The following ANKS1B variants were observed in gnomAD, a reference collection of about 807,000 sequenced individuals.
ANKS1B encodes the protein ankyrin repeat and sterile alpha motif domain containing 1B, also known as ankyrin repeat and sterile alpha motif domain-containing protein 1B.
Under a neutral mutation model 148.3 loss-of-function variants are expected in ANKS1B, and 36 were observed. That is an observed-to-expected ratio of 0.24 (90% CI 0.19 to 0.32). The LOEUF is 0.32. Among genes scored for constraint, ANKS1B ranks in the 10% least tolerant of loss-of-function variants. The probability of loss-of-function intolerance (pLI) is 1.00; values close to 1 mark genes in which losing one functional copy is unlikely to be tolerated. For missense variants in ANKS1B, 1,157 were observed against 1,542.6 expected (o/e 0.75, Z 4.19); for synonymous variants, 542 against 560.8 (o/e 0.97, Z 0.47).
At chr12:99,918,119 CAAAAGCAGTCTCTGGT>C (rs1039133497) in intron 1 of ANKS1B, among the ~76,000 whole-genome samples, 1 of 152,218 alleles carries the variant, frequency 6.6e-6, no homozygotes, top group African/African-American at 2.4e-5. Flanking sequence ...TTGACTTCCA[CAAAAGCAGTCTCTGGT>C]GCCAAAAAGG....
chr12:99,046,552 C>G (rs1450443869), intron 17 of ANKS1B, among the ~76,000 whole-genome samples: 3 of 151,810 alleles, frequency 2.0e-5, no homozygotes, highest in Non-Finnish European at 2.9e-5. Context: ...GTAATCCCAG[C>G]ACTTTGGGAG....
chr12:99,673,119 T>C (rs991348595), intron 8 of ANKS1B, among the ~76,000 whole-genome samples: 4 of 151,816 alleles, frequency 2.6e-5, no homozygotes, highest in Non-Finnish European at 5.9e-5. Context: ...TAATCTTAGG[T>C]GAAAAAGCCT....
chr12:98,850,609 T>A (rs1265652668), intron 17 of ANKS1B, among the ~76,000 whole-genome samples: 3 of 151,764 alleles, frequency 2.0e-5, no homozygotes, highest in Admixed American at 2.0e-4. Flanking sequence ...CTGGGACTAC[T>A]GGCACACGCC....
At position 98,798,086 on chromosome 12, in the gene ANKS1B, A is replaced by C. The variant is rs1039567117; in HGVS notation, c.3342+848T>G. ...CTTTGGCTAAAATAGACTCCTAGGAATCAAGCAGCCACTAATCACAGATAT... is the reference window on the plus strand; with the variant it reads ...CTTTGGCTAAAATAGACTCCTAGGACTCAAGCAGCCACTAATCACAGATAT... On this transcript the variant is annotated intron_variant, in intron 22 of 26. Transcript: ENST00000683438. Among the ~76,000 whole-genome samples, 5 of 152,064 alleles carry C rather than the reference A, an allele frequency of 3.3e-5. 1 individual carries two copies. Among genetic ancestry groups the C allele is most frequent in the Admixed American group, 6.6e-5 (1 of 15,266 alleles).
chr12:99,077,846 T>A (rs923090897), intron 16 of ANKS1B, among the ~76,000 whole-genome samples: 5 of 152,212 alleles, frequency 3.3e-5, no homozygotes, highest in African/African-American at 1.2e-4. Context: ...GTCACATTCC[T>A]AATACTCCTT....
chr12:98,900,777 A>C (rs11109659), intron 17 of ANKS1B, among the ~76,000 whole-genome samples: 15,238 of 152,240 alleles, frequency 0.1, 1,226 homozygotes, highest in East Asian at 0.36. Flanking sequence ...ACTTTTACTC[A>C]TTATGCAAAG....
intron 1 of ANKS1B, among the ~76,000 whole-genome samples, chr12:99,896,384 A>C (rs1342582989): frequency 1.3e-5 from 2 of 150,750 alleles, no homozygotes; most frequent in Non-Finnish European, 3.0e-5. Flanking sequence ...TTCACTTAGT[A>C]TCATGTCCTC....
chr12:99,296,606 T>G (rs1476628749), intron 12 of ANKS1B, among the ~76,000 whole-genome samples: 2 of 152,208 alleles, frequency 1.3e-5, no homozygotes, highest in Admixed American at 6.5e-5. Flanking sequence ...AGCATTGTTT[T>G]GTTGACTTAA....
At chr12:99,801,346 A>G (rs182340318) in intron 4 of ANKS1B, among the ~76,000 whole-genome samples, 72 of 152,328 alleles carry the variant, frequency 4.7e-4, no homozygotes, top group Middle Eastern at 3.4e-3. Flanking sequence ...CTAAATGAAA[A>G]CCAAAAGACA....
At chr12:99,714,267 A>C (rs1398070711) in intron 8 of ANKS1B, among the ~76,000 whole-genome samples, 1 of 151,848 alleles carries the variant, frequency 6.6e-6, no homozygotes, top group Non-Finnish European at 1.5e-5. Flanking sequence ...TCTCATAAGA[A>C]CCCTTGTGAT....
intron 1 of ANKS1B, among the ~76,000 whole-genome samples, chr12:99,898,570 C>T (rs189639099): frequency 2.4e-4 from 36 of 152,304 alleles, no homozygotes; most frequent in Admixed American, 2.0e-3. Context: ...AAGCCAAGCT[C>T]AGCCCTAGGC....
intron 7 of ANKS1B, among the ~76,000 whole-genome samples, 197 bp from the exon 8 acceptor site, chr12:99,773,285 T>C (rs2063359685): frequency 6.6e-6 from 1 of 152,198 alleles, no homozygotes; most frequent in African/African-American, 2.4e-5. Flanking sequence ...ATTATAATTT[T>C]GCCTATTTTT....
intron 15 of ANKS1B, among the ~76,000 whole-genome samples, chr12:99,116,613 C>T (rs111550237): frequency 0.025 from 3,772 of 152,144 alleles, 78 homozygotes; most frequent in Non-Finnish European, 0.035. Context: ...TGCTTCTTCA[C>T]AGTAGATTTA....
chr12:99,975,834 C>A (rs957984754), intron 1 of ANKS1B, among the ~76,000 whole-genome samples: 13 of 152,166 alleles, frequency 8.5e-5, no homozygotes, highest in Non-Finnish European at 4.4e-5. Flanking sequence ...TTCGACCCAG[C>A]AATCCCATTG....
chr12:99,127,465 A>C (rs1041343256), intron 15 of ANKS1B, among the ~76,000 whole-genome samples: 1 of 152,220 alleles, frequency 6.6e-6, no homozygotes, highest in African/African-American at 2.4e-5. Context: ...CCAGTGGGAA[A>C]AAAAACTTTA....
At chr12:99,746,855 A>C (rs2060643383) in intron 8 of ANKS1B, among the ~76,000 whole-genome samples, 1 of 152,116 alleles carries the variant, frequency 6.6e-6, no homozygotes, top group African/African-American at 2.4e-5. Context: ...CTGCAAGAGT[A>C]CTATACATAA....
intron 1 of ANKS1B, among the ~76,000 whole-genome samples, chr12:99,846,866 G>A (rs773240410): frequency 1.8e-4 from 28 of 152,144 alleles, no homozygotes; most frequent in East Asian, 1.9e-4. Context: ...CACATTTTGC[G>A]GAATGCAGTC....
At chr12:99,931,213 G>T (rs2094606273) in intron 1 of ANKS1B, among the ~76,000 whole-genome samples, 2 of 151,952 alleles carry the variant, frequency 1.3e-5, no homozygotes, top group South Asian at 2.1e-4. Flanking sequence ...AGAGGGGAGG[G>T]ATAGCATTAG....
At chr12:98,961,498 C>T (rs552303724) in intron 17 of ANKS1B, among the ~76,000 whole-genome samples, 1 of 152,192 alleles carries the variant, frequency 6.6e-6, no homozygotes, top group Admixed American at 6.5e-5. Context: ...AGGGAGTTTT[C>T]AATCTGAAAG....
Sources: allele counts gnomAD v4.1 joint callset (sites outside exome capture counted in the v4.1 genomes callset), GRCh38; gene constraint gnomAD v4.1.1; transcripts MANE v1.5; gene names NCBI Gene and HGNC (gene_info 2026-07-23, HGNC 2026-07-21).